Variants in MATR3 observed in about 807,000 individuals in gnomAD.
The protein encoded by MATR3 is matrin 3.
MATR3 carries 4 observed loss-of-function variants against 85.5 expected under a neutral mutation model. That is an observed-to-expected ratio of 0.05 (90% CI 0.02 to 0.11). The LOEUF is 0.11. Ranked by LOEUF, MATR3 falls within the 10% of genes least tolerant of loss-of-function variation. The probability of loss-of-function intolerance (pLI) is 1.00; values close to 1 mark genes in which losing one functional copy is unlikely to be tolerated. For synonymous variants in MATR3, 336 were observed against 343.1 expected (o/e 0.98, Z 0.23); for missense variants, 685 against 1,016.1 (o/e 0.67, Z 4.43).
chr5:139,290,572 G>A (rs373231638), upstream of MATR3, among the ~76,000 whole-genome samples: 98 of 145,510 alleles, frequency 6.7e-4, no homozygotes, highest in South Asian at 7.4e-3. Context: ...CCCCTGCCCC[G>A]GAGTAGCTGG....
intron 2 of MATR3, 99 bp downstream of exon 2, chr5:139,308,426 G>A (rs1454670238): frequency 7.0e-7 from 1 of 1,434,064 alleles, no homozygotes; most frequent in African/African-American, 1.4e-5. Context: ...ACATTGAGTT[G>A]ATCAAGCATT....
intron 1 of MATR3, among the ~76,000 whole-genome samples, chr5:139,274,810 C>T (rs1753208123): frequency 6.6e-6 from 1 of 151,612 alleles, no homozygotes; most frequent in African/African-American, 2.4e-5. Context: ...TGTCGCACGC[C>T]TGAAGTCGGG....
chr5:139,329,597 G>C lies in MATR3; in HGVS notation c.*202G>C. On this transcript the variant is annotated 3_prime_UTR_variant, in exon 15 of 15. Transcript: ENST00000394805. The stretch of plus-strand genomic sequence containing the variant: ...ATGGTTAAGTTAATGAATAGTTTTT[G>C]TTTTATCAGAATGGCAACAGACAGA... 1.7e-6 allele frequency: 1 copy of C among 577,236 alleles called. No homozygotes were observed. Among genetic ancestry groups the C allele is most frequent in the South Asian group, 1.5e-5 (1 of 64,808 alleles). The allele number at this position is 577,236 out of a possible 1,614,324, so 35.8% of individuals were successfully genotyped here.
At chr5:139,294,286 G>C (rs1754019211) in intron 1 of MATR3, among the ~76,000 whole-genome samples, 2 of 152,214 alleles carry the variant, frequency 1.3e-5, no homozygotes, top group South Asian at 4.1e-4. Context: ...TAAGTCCTTG[G>C]GTAGCGCCAG....
At chr5:139,321,832 T>C in intron 9 of MATR3, 66 bp from the exon 10 acceptor site, 2 of 1,529,758 alleles carry the variant, frequency 1.3e-6, no homozygotes, top group Non-Finnish European at 1.8e-6. Flanking sequence ...GTAGAATACA[T>C]AATAAGGTTT....
chr5:139,310,557 T>G (rs750645797), intron 2 of MATR3: 1 of 152,184 alleles, frequency 6.6e-6, no homozygotes, highest in Non-Finnish European at 1.5e-5. Context: ...ATGAAAAATT[T>G]TTAAACATTT....
At chr5:139,285,209 T>C (rs1753665934) in intron 3 of MATR3, 1 of 152,238 alleles carries the variant, frequency 6.6e-6, no homozygotes, top group Non-Finnish European at 1.5e-5. Context: ...TCAAATGTCT[T>C]ACTTACAGAT....
At chr5:139,278,688 G>A (rs927699487) in intron 2 of MATR3, 9 of 433,956 alleles carry the variant, frequency 2.1e-5, no homozygotes, top group Non-Finnish European at 3.3e-5. Flanking sequence ...GTGCTTCCAC[G>A]CCTGTTTTGC....
At chr5:139,317,518 A>G (rs764306304) in intron 6 of MATR3, 78 bp from the exon 7 acceptor site, 44 of 1,376,556 alleles carry the variant, frequency 3.2e-5, no homozygotes, top group Non-Finnish European at 4.5e-5. Context: ...TATAGATTAT[A>G]AAAAGTCCTA....
rs1255627342 is a variant in MATR3, at chr5:139,330,872, A to G, written c.*1477A>G. On this transcript the variant is annotated 3_prime_UTR_variant, in exon 15 of 15. Coordinates refer to ENST00000394805, the MANE Select transcript of MATR3 (RefSeq NM_018834.6). The stretch of plus-strand genomic sequence containing the variant: ...GAGTGCAGTGGCACAGTTCTCTGCA[A>G]CCTCAGCCTTTGGGCTCAAATGACC... 2 of 453,830 alleles carry G rather than the reference A, an allele frequency of 4.4e-6. No individual in the cohort carries two copies. Among genetic ancestry groups the G allele is most frequent in the Admixed American group, 2.4e-5 (1 of 42,532 alleles). The allele number at this position is 453,830 out of a possible 1,614,324, so 28.1% of individuals were successfully genotyped here.
At chr5:139,323,087 A>G (rs1755661959) in intron 12 of MATR3, 120 bp downstream of exon 12, 2 of 980,860 alleles carry the variant, frequency 2.0e-6, no homozygotes, top group Non-Finnish European at 3.0e-6. Context: ...TAAATCAGAT[A>G]TGAACCAGAA....
At chr5:139,328,912 G>A (rs546366579) in intron 14 of MATR3, among the ~76,000 whole-genome samples, 53 of 152,254 alleles carry the variant, frequency 3.5e-4, no homozygotes, top group African/African-American at 1.2e-3. Context: ...GGCTGAGGCA[G>A]GAGAATCACT....
In MATR3 at chr5:139,322,445, A is replaced by C. The variant is rs781510247; in HGVS notation, c.1735-18A>C. On this transcript the variant is annotated intron_variant, in intron 10 of 14. Transcript: ENST00000394805. ...ATTCTGCAAATGTGTTAACTTCTGC[A>C]AAACTTTTGTCTTTTAGATTCCAAA... 1.2e-6 allele frequency: 2 copies of C among 1,612,372 alleles called. No homozygotes were observed. The highest frequency in any genetic ancestry group is 3.3e-5 in the Admixed American group (2 of 60,004).
intron 1 of MATR3, among the ~76,000 whole-genome samples, chr5:139,298,333 G>A (rs545438056): frequency 2.6e-5 from 4 of 152,244 alleles, no homozygotes; most frequent in South Asian, 4.1e-4. Flanking sequence ...GCACTTTGGG[G>A]GCTGAGGTGG....
At chr5:139,315,855 C>A in intron 4 of MATR3, 117 bp downstream of exon 4, 1 of 938,026 alleles carries the variant, frequency 1.1e-6, no homozygotes, top group Non-Finnish European at 1.7e-6. Context: ...GAAAATGAGA[C>A]TTTGATAAAA....
chr5:139,290,562 C>A (rs1753841476), upstream of MATR3, among the ~76,000 whole-genome samples: 2 of 148,648 alleles, frequency 1.3e-5, no homozygotes, highest in South Asian at 4.3e-4. Context: ...ACCCTGTCTA[C>A]CCCTGCCCCG....
chr5:139,307,394 A>G lies in MATR3; in HGVS notation c.-22A>G. On this transcript the variant is annotated 5_prime_UTR_variant, in exon 2 of 15. Coordinates refer to ENST00000394805, the MANE Select transcript of MATR3 (RefSeq NM_018834.6). This position sits in a 1 kb window ranked among gnomAD's most constrained non-coding sequence, Gnocchi z 4.4. Reference sequence around the variant, plus strand: ...AAAATTTTTTTTTTTAATCTATAAAATAGACAAGAGCTAGTTCTACAATGT... The same window carrying G: ...AAAATTTTTTTTTTTAATCTATAAAGTAGACAAGAGCTAGTTCTACAATGT... 3 of 1,606,338 alleles carry G rather than the reference A, an allele frequency of 1.9e-6. No individual in the cohort carries two copies. Among genetic ancestry groups the G allele is most frequent in the African/African-American group, 1.3e-5 (1 of 74,466 alleles).
intron 13 of MATR3, 123 bp from the exon 14 acceptor site, chr5:139,326,039 TC>T: frequency 1.1e-6 from 1 of 902,540 alleles, no homozygotes; most frequent in South Asian, 1.6e-5. Context: ...TTGTTTTTTA[TC>T]TTAGGCTGTA....
In MATR3 at chr5:139,326,360, T is replaced by C; in HGVS notation, c.2493+76T>C. ...AAATAAGTGGGGTATATAAGTAAAA[T>C]GTGTATAGTGTTCTCTCTAGACTCA... is the stretch of plus-strand genomic sequence containing the variant. On this transcript the variant is annotated intron_variant, in intron 14 of 14. Transcript: ENST00000394805. 3 of 1,380,592 alleles carry C rather than the reference T, an allele frequency of 2.2e-6. No individual in the cohort carries two copies. In the South Asian group the frequency reaches 3.5e-5, roughly 16 times the overall value. The allele number at this position is 1,380,592 out of a possible 1,614,324, so 85.5% of individuals were successfully genotyped here. A position where few individuals can be genotyped will look rare whatever the true frequency, so the allele number is the denominator to read the frequency against.
Sources: allele counts gnomAD v4.1 joint callset (sites outside exome capture counted in the v4.1 genomes callset), GRCh38; gene constraint gnomAD v4.1.1; non-coding constraint Gnocchi (gnomAD v3.1); transcripts MANE v1.5; gene names NCBI Gene and HGNC (gene_info 2026-07-23, HGNC 2026-07-21).